Variants in ARSD observed in about 807,000 individuals in gnomAD.
The protein encoded by ARSD is arylsulfatase D.
In ARSD, 21 loss-of-function variants were observed where a neutral mutation model predicts 32.6. The ratio of observed to expected loss-of-function variants is 0.64; its 90% CI spans 0.46 to 0.93. ARSD has a LOEUF of 0.93. ARSD is among the 40% of genes least tolerant of loss of function. ARSD has a pLI of 0.00. For missense variants in ARSD, 454 were observed against 520.9 expected, an observed-to-expected ratio of 0.87 and a Z score of 1.25; for synonymous variants, 224 against 237.4, an observed-to-expected ratio of 0.94 and a Z score of 0.52.
chrX:2,911,033 T>C (rs935330014), intron 6 of ARSD, among the ~76,000 whole-genome samples: 2 of 112,124 alleles, frequency 1.8e-5, no homozygotes, highest in Non-Finnish European at 3.8e-5. Flanking sequence ...CCCAACCGAC[T>C]GATGGACTCT....
At chrX:2,917,684 C>G in intron 5 of ARSD, 120 bp downstream of exon 5, 1 of 694,812 alleles carries the variant, frequency 1.4e-6, no homozygotes. Context: ...GTTGCCCAAG[C>G]TAGTCTAAAG....
intron 1 of ARSD, among the ~76,000 whole-genome samples, chrX:2,926,140 C>T (rs2089080590): frequency 8.9e-6 from 1 of 112,127 alleles, no homozygotes; most frequent in African/African-American, 3.2e-5. Flanking sequence ...TATCTAAAGA[C>T]ATAAGTGATT....
chrX:2,914,862 C>T lies in ARSD; in HGVS notation c.1000+694G>A, dbSNP rs1225430876. On this transcript the variant is annotated intron_variant, in intron 6 of 9. Coordinates refer to ENST00000381154, the MANE Select transcript of ARSD (RefSeq NM_001669.4). ...TAAATGATATGGGAGTGTGTTCTGCCCCCATTCTTTGTACTATTATTATTA... is the reference window on the plus strand; with the variant it reads ...TAAATGATATGGGAGTGTGTTCTGCTCCCATTCTTTGTACTATTATTATTA... 5 of 973,535 alleles carry T rather than the reference C, an allele frequency of 5.1e-6. No homozygotes were observed. In the East Asian group the frequency reaches 1.9e-4, roughly 37 times the overall value. The allele number at this position is 973,535 out of a possible 1,213,427, so 80.2% of individuals were successfully genotyped here.
Position 2,920,677 on chromosome X carries a change from G to A in ARSD, c.363C>T (p.Gly121=). 1 of 1,212,003 alleles carries A rather than the reference G, an allele frequency of 8.3e-7. No individual in the cohort carries two copies. Among genetic ancestry groups the A allele is most frequent in the Middle Eastern group, 2.3e-4 (1 of 4,347 alleles). Residue 121 remains glycine (G), a synonymous_variant, in exon 4 of 10, where the codon GGC becomes GGT. Transcript: ENST00000381154. ...NGYRALQWNA[G]SGGLPENETT... is the part of the protein sequence containing the mutation. ...TTTCGTTCTCAGGGAGTCCACCTGAGCCTGCGTTCCACTGAAGGGCCCGGT... is the reference window on the plus strand; with the variant it reads ...TTTCGTTCTCAGGGAGTCCACCTGAACCTGCGTTCCACTGAAGGGCCCGGT...
rs1481009661 is a variant in ARSD, at chrX:2,905,006, G to A, written c.*2265C>T. On this transcript the variant is annotated 3_prime_UTR_variant, in exon 10 of 10. Coordinates refer to ENST00000381154, the MANE Select transcript of ARSD (RefSeq NM_001669.4). ...TAGAAACCTGAGCTCTATAAATGTT[G>A]CCTCTCTCCACTCATCTTCTCTTTG... 1 of 338,222 alleles carries A rather than the reference G, an allele frequency of 3.0e-6. No homozygotes were observed. The highest frequency in any genetic ancestry group is 2.6e-5 in the South Asian group (1 of 38,219). 27.9% of individuals were successfully genotyped at this position (338,222 alleles called of 1,213,427 possible).
At position 2,909,861 on chromosome X, in the gene ARSD, G is replaced by C; in HGVS notation, c.1254C>G (p.Phe418Leu). Residue 418 changes from phenylalanine to leucine, a missense_variant, in exon 8 of 10, where the codon TTC (phenylalanine) becomes TTG (leucine). Physicochemically the swap from Phe to Leu is conservative, Grantham distance 22. Transcript: ENST00000381154. The stretch of plus-strand genomic sequence containing the variant: ...CACCCACCAGCTGGACCACAGTAGG[G>C]AACACGTCCATCAGGCTCGTGGGCT... ...IGEPTSLMDV[F>L]PTVVQLVGGE... 8.3e-7 allele frequency: 1 copy of C among 1,210,570 alleles called. No homozygotes were observed. The highest frequency in any genetic ancestry group is 1.1e-6 in the Non-Finnish European group (1 of 895,181).
At position 2,905,164 on chromosome X, in the gene ARSD, T is replaced by A. The variant is rs2088843765; in HGVS notation, c.*2107A>T. The A allele has an allele frequency of 3.3e-6, 1 of 302,097 alleles. No homozygotes were observed. The highest frequency in any genetic ancestry group is 3.6e-5 in the Admixed American group (1 of 27,543). The allele number at this position is 302,097 out of a possible 1,213,427, so 24.9% of individuals were successfully genotyped here. A position where few individuals can be genotyped will look rare whatever the true frequency, so the allele number is the denominator to read the frequency against. ...ACCTATGACTCTCAGTGCTGTTGCC[T>A]CTTCCTCTGGATCTTGGAAGCTTCC... On this transcript the variant is annotated 3_prime_UTR_variant, in exon 10 of 10. Coordinates refer to ENST00000381154, the MANE Select transcript of ARSD (RefSeq NM_001669.4).
rs1200658562 is a variant in ARSD, at chrX:2,929,338, G to T, written c.-63C>A. 1.1e-6 allele frequency: 1 copy of T among 876,850 alleles called. No individual in the cohort carries two copies. The highest frequency in any genetic ancestry group is 1.4e-6 in the Non-Finnish European group (1 of 699,729). 72.3% of individuals were successfully genotyped at this position (876,850 alleles called of 1,213,427 possible). ...CGCACTCCGCGCCCGGGCGCCGCTAGTGCCAAGGCTTCCGCCCTCTCAGCT... is the reference window on the plus strand; with the variant it reads ...CGCACTCCGCGCCCGGGCGCCGCTATTGCCAAGGCTTCCGCCCTCTCAGCT... On this transcript the variant is annotated 5_prime_UTR_variant, in exon 1 of 10. Coordinates refer to ENST00000381154, the MANE Select transcript of ARSD (RefSeq NM_001669.4).
At chrX:2,910,447 T>C (rs756323480) in intron 7 of ARSD, among the ~76,000 whole-genome samples, 1 of 111,586 alleles carries the variant, frequency 9.0e-6, no homozygotes, top group Non-Finnish European at 1.9e-5. Context: ...TACCTCTCTG[T>C]ATTCTACTAA....
chrX:2,921,592 A>T (rs1205246742), intron 3 of ARSD, among the ~76,000 whole-genome samples: 1 of 112,010 alleles, frequency 8.9e-6, no homozygotes, highest in East Asian at 2.8e-4. Flanking sequence ...TATCACAATG[A>T]TTCTCAACTT....
chrX:2,917,691 A>G (rs2088976528), intron 5 of ARSD, 113 bp downstream of exon 5: 2 of 780,679 alleles, frequency 2.6e-6, no homozygotes, highest in Non-Finnish European at 3.6e-6. Context: ...AAGCTAGTCT[A>G]AAGCACCTGG....
Position 2,909,759 on chromosome X carries a change from A to C in ARSD, c.1298+58T>G, listed in dbSNP as rs2088886035. On this transcript the variant is annotated intron_variant, in intron 8 of 9. Transcript: ENST00000381154. Reference sequence around the variant, plus strand: ...CCCCAAAATCCTATTGAAATAAAAAAAAAAAACTAAAAACAATTAAAAAAA... The same window carrying C: ...CCCCAAAATCCTATTGAAATAAAAACAAAAAACTAAAAACAATTAAAAAAA... 4 of 1,111,719 alleles carry C rather than the reference A, an allele frequency of 3.6e-6. No individual in the cohort carries two copies. In the Admixed American group the frequency reaches 1.3e-4, roughly 35 times the overall value. The allele number at this position is 1,111,719 out of a possible 1,213,427, so 91.6% of individuals were successfully genotyped here.
chrX:2,920,662 A>G lies in ARSD; in HGVS notation c.378T>C (p.Pro126=), dbSNP rs1157656714. The part of the protein sequence containing the change: ...LQWNAGSGGL[P]ENETTFARIL... The stretch of plus-strand genomic sequence containing the variant: ...TTCTTGCAAAAGTGGTTTCGTTCTC[A>G]GGGAGTCCACCTGAGCCTGCGTTCC... Residue 126 remains proline (P), a synonymous_variant, in exon 4 of 10, where the codon CCT becomes CCC. Coordinates refer to ENST00000381154, the MANE Select transcript of ARSD (RefSeq NM_001669.4). 4.1e-6 allele frequency: 5 copies of G among 1,212,037 alleles called. No homozygotes were observed. The Admixed American group carries it at 8.7e-5, about 21-fold the overall frequency.
At position 2,905,867 on chromosome X, in the gene ARSD, A is replaced by C. The variant is rs993851713; in HGVS notation, c.*1404T>G. ...TTCTATGGATAATGGTTGGAAGCAG[A>C]AATTGGGTTGGGGCTTCCAGATAAT... On this transcript the variant is annotated 3_prime_UTR_variant, in exon 10 of 10. Coordinates refer to ENST00000381154, the MANE Select transcript of ARSD (RefSeq NM_001669.4). The C allele has an allele frequency of 8.9e-6, 1 of 112,549 alleles. No homozygotes were observed. The highest frequency in any genetic ancestry group is 3.2e-5 in the African/African-American group (1 of 30,978). The allele number at this position is 112,549 out of a possible 1,213,427, so 9.3% of individuals were successfully genotyped here. A position where few individuals can be genotyped will look rare whatever the true frequency, so the allele number is the denominator to read the frequency against.
intron 7 of ARSD, 64 bp from the exon 8 acceptor site, chrX:2,910,043 T>C: frequency 4.2e-6 from 5 of 1,180,600 alleles, no homozygotes; most frequent in Non-Finnish European, 5.7e-6. Context: ...CACATCTGGA[T>C]GTATTTGTGC....
chrX:2,921,961 G>A lies in ARSD; in HGVS notation c.258C>T (p.Ala86=), dbSNP rs2089032697. 3 of 1,211,027 alleles carry A rather than the reference G, an allele frequency of 2.5e-6. No homozygotes were observed. Among genetic ancestry groups the A allele is most frequent in the Non-Finnish European group, 3.4e-6 (3 of 895,191 alleles). Reference sequence around the variant, plus strand: ...CAGCTCGGCTTGGGGTGCAGAGCGGGGCGGCCGCCAGGTGCTGAGTGAGCC... The same window carrying A: ...CAGCTCGGCTTGGGGTGCAGAGCGGAGCGGCCGCCAGGTGCTGAGTGAGCC... ...GVRLTQHLAA[A]PLCTPSRAAF... is the part of the protein sequence containing the mutation. The change falls in exon 3 of 10, where the codon GCC becomes GCT. Residue 86 remains alanine, a synonymous_variant. Transcript: ENST00000381154.
chrX:2,905,025 C>T lies in ARSD; in HGVS notation c.*2246G>A, dbSNP rs1483930078. 2 of 337,901 alleles carry T rather than the reference C, an allele frequency of 5.9e-6. No individual in the cohort carries two copies. The highest frequency in any genetic ancestry group is 5.4e-5 in the African/African-American group (2 of 36,839). The allele number at this position is 337,901 out of a possible 1,213,427, so 27.8% of individuals were successfully genotyped here. A position where few individuals can be genotyped will look rare whatever the true frequency, so the allele number is the denominator to read the frequency against. On this transcript the variant is annotated 3_prime_UTR_variant, in exon 10 of 10. Transcript: ENST00000381154. The stretch of plus-strand genomic sequence containing the variant: ...AATGTTGCCTCTCTCCACTCATCTT[C>T]TCTTTGGCTTCAGGTTGAGTTCAGC...
intron 1 of ARSD, 123 bp downstream of exon 1, chrX:2,929,109 A>G (rs896026249): frequency 3.0e-6 from 2 of 668,520 alleles, no homozygotes; most frequent in Non-Finnish European, 4.0e-6. Context: ...AAGGCGCCGG[A>G]CACAACCACG....
intron 6 of ARSD, chrX:2,914,158 C>T (rs1459236191): frequency 1.5e-5 from 11 of 755,890 alleles, no homozygotes; most frequent in Non-Finnish European, 1.7e-5. Flanking sequence ...CAAAATTAGA[C>T]TAAGTAATCA....
Sources: allele counts gnomAD v4.1 joint callset (sites outside exome capture counted in the v4.1 genomes callset), GRCh38; gene constraint gnomAD v4.1.1; transcripts MANE v1.5; gene names NCBI Gene and HGNC (gene_info 2026-07-23, HGNC 2026-07-21).